The following AGBL1 variants were observed in gnomAD, a reference collection of about 807,000 sequenced individuals.
AGBL1 encodes the protein cytosolic carboxypeptidase 4.
AGBL1 carries 130 observed loss-of-function variants against 118.9 expected under a neutral mutation model. The observed-to-expected ratio is 1.09, with a 90% CI of 0.95 to 1.26. The LOEUF (loss-of-function observed/expected upper bound fraction) is 1.26, where lower values mean the gene tolerates loss of function less well. AGBL1 is among the 50% of genes most tolerant of loss of function. The pLI, the probability that AGBL1 is intolerant of heterozygous loss-of-function variation, is 0.00. For synonymous variants in AGBL1, 555 were observed against 478.9 expected (o/e 1.16, Z -2.08); for missense variants, 1,584 against 1,298.1 (o/e 1.22, Z -3.38).
chr15:86,141,392 C>T (rs1178023601), intron 1 of AGBL1, among the ~76,000 whole-genome samples: 1 of 152,210 alleles, frequency 6.6e-6, no homozygotes, highest in Non-Finnish European at 1.5e-5. Context: ...TGTGGTGGCT[C>T]ATGCCTGTAA....
chr15:86,678,177 A>G (rs139885230), intron 22 of AGBL1, among the ~76,000 whole-genome samples: 1 of 152,300 alleles, frequency 6.6e-6, no homozygotes. Flanking sequence ...AATGTTATAT[A>G]TTGTCATTAA....
intron 19 of AGBL1, among the ~76,000 whole-genome samples, chr15:86,537,667 T>C (rs1345601845): frequency 6.6e-6 from 1 of 152,236 alleles, no homozygotes; most frequent in African/African-American, 2.4e-5. Context: ...TGTTTTAAAA[T>C]GTCGTGTTTG....
intron 22 of AGBL1, among the ~76,000 whole-genome samples, chr15:86,712,364 CTT>C (rs11411325): frequency 2.1e-5 from 3 of 146,018 alleles, no homozygotes; most frequent in Admixed American, 6.8e-5. Context: ...ACGATGTGTA[CTT>C]TTTTTTTTTT....
intron 23 of AGBL1, among the ~76,000 whole-genome samples, chr15:86,925,381 G>A (rs972899964): frequency 1.3e-5 from 2 of 152,094 alleles, no homozygotes; most frequent in African/African-American, 4.8e-5. Flanking sequence ...TTTGAGAACT[G>A]CTGTCCTAAC....
intron 24 of AGBL1, among the ~76,000 whole-genome samples, chr15:86,995,377 A>C (rs8033797): frequency 0.098 from 14,976 of 152,090 alleles, 1,305 homozygotes; most frequent in African/African-American, 0.23. Flanking sequence ...CAGAGCGAGA[A>C]CCTGTCTCAA....
rs557699765 is a variant in AGBL1 at position 86,471,066 on chromosome 15, T to C, written c.2556-51744T>C. On this transcript the variant is annotated intron_variant, in intron 18 of 22. Transcript: ENST00000614907. Reference sequence around the variant, plus strand: ...TTAGGACTTCCAGTACTATACTGAATAGGAGTAGTGAGAGAGGGCATCCTT... The same window carrying C: ...TTAGGACTTCCAGTACTATACTGAACAGGAGTAGTGAGAGAGGGCATCCTT... Among the ~76,000 whole-genome samples, 268 of 152,306 alleles carry C rather than the reference T, an allele frequency of 1.8e-3. 8 individuals are homozygous for C. The South Asian group carries it at 0.053, about 30-fold the overall frequency.
intron 5 of AGBL1, among the ~76,000 whole-genome samples, chr15:86,186,113 C>T (rs1732751333): frequency 6.6e-6 from 1 of 152,060 alleles, no homozygotes; most frequent in Non-Finnish European, 1.5e-5. Context: ...TTGCTGTCCC[C>T]CAAAATGGGT....
intron 5 of AGBL1, among the ~76,000 whole-genome samples, chr15:86,215,224 CGTGTGT>C (rs1555449552): frequency 7.8e-4 from 89 of 114,476 alleles, no homozygotes; most frequent in African/African-American, 1.5e-3. Flanking sequence ...TATATGTATG[CGTGTGT>C]GTGTGTGTGT....
At chr15:86,941,323 G>A (rs1445090062) in intron 23 of AGBL1, among the ~76,000 whole-genome samples, 2 of 152,276 alleles carry the variant, frequency 1.3e-5, no homozygotes, top group African/African-American at 2.4e-5. Context: ...GGGTCAGTCA[G>A]GAGAAAAACT....
intron 23 of AGBL1, among the ~76,000 whole-genome samples, chr15:86,931,661 G>C (rs1480740104): frequency 6.6e-6 from 1 of 151,726 alleles, no homozygotes; most frequent in East Asian, 1.9e-4. Context: ...TTTTTCATTT[G>C]ATACGTTTCT....
intron 17 of AGBL1, among the ~76,000 whole-genome samples, chr15:86,371,774 G>GT (rs2080974180): frequency 6.6e-6 from 1 of 152,148 alleles, no homozygotes; most frequent in South Asian, 2.1e-4. Flanking sequence ...GGGTGGTGTG[G>GT]TGAGGGGAAA....
chr15:86,115,286 C>A (rs1897684176), intron 1 of AGBL1, among the ~76,000 whole-genome samples: 1 of 152,160 alleles, frequency 6.6e-6, no homozygotes, highest in Non-Finnish European at 1.5e-5. Flanking sequence ...TTGACAGCAA[C>A]ATCCACTTTA....
intron 22 of AGBL1, among the ~76,000 whole-genome samples, chr15:86,674,712 G>A (rs893451754): frequency 2.0e-5 from 3 of 152,094 alleles, no homozygotes; most frequent in Non-Finnish European, 4.4e-5. Context: ...CACACACACA[G>A]GATATCTACA....
chr15:87,012,259 G>C lies in AGBL1; in HGVS notation c.3324-16566G>C, dbSNP rs576329793. Among the ~76,000 whole-genome samples the C allele has an allele frequency of 1.3e-4, 15 of 119,852 alleles. 1 individual carries two copies. The highest frequency in any genetic ancestry group is 6.6e-4 in the Admixed American group (8 of 12,104). 78.6% of individuals were successfully genotyped at this position (119,852 alleles called of 152,430 possible). On this transcript the variant is annotated intron_variant, in intron 24 of 24. Transcript: ENST00000441037. ...CATATCTGCTCATTATTCAGCCCAA[G>C]CTAGGTTAAAAAAAAAATCCAACAA... is the stretch of plus-strand genomic sequence containing the variant.
chr15:86,667,595 A>G (rs2142532966), intron 21 of AGBL1, among the ~76,000 whole-genome samples: 1 of 152,116 alleles, frequency 6.6e-6, no homozygotes. Flanking sequence ...TATTTTCTTT[A>G]ATTATATTTC....
At chr15:86,603,581 C>T (rs1410918347) in intron 21 of AGBL1, among the ~76,000 whole-genome samples, 2 of 152,102 alleles carry the variant, frequency 1.3e-5, no homozygotes, top group South Asian at 4.1e-4. Flanking sequence ...AAAGCTGGCA[C>T]ACTACCTACC....
At chr15:86,220,420 A>G (rs2078263183) in intron 5 of AGBL1, among the ~76,000 whole-genome samples, 1 of 152,208 alleles carries the variant, frequency 6.6e-6, no homozygotes, top group South Asian at 2.1e-4. Flanking sequence ...GCTGCTTGGC[A>G]TTTATAGGTG....
At chr15:86,359,872 T>G (rs1003575388) in intron 17 of AGBL1, among the ~76,000 whole-genome samples, 2 of 151,990 alleles carry the variant, frequency 1.3e-5, no homozygotes, top group African/African-American at 4.8e-5. Flanking sequence ...TTTTTTTGTG[T>G]AGAGAAGTGT....
intron 3 of AGBL1, among the ~76,000 whole-genome samples, chr15:86,147,021 A>G (rs1048729298): frequency 2.0e-5 from 3 of 152,204 alleles, no homozygotes; most frequent in African/African-American, 7.2e-5. Flanking sequence ...AAGAACAGAA[A>G]ATAAGTATTT....
Sources: gnomAD v4.1 joint callset for allele counts (sites outside exome capture counted in the v4.1 genomes callset) on GRCh38, gnomAD v4.1.1 for gene constraint, MANE v1.5 for transcripts, NCBI Gene and HGNC (gene_info 2026-07-23, HGNC 2026-07-21) for gene names.